STX3: variants seen among roughly 807,000 people sequenced by gnomAD.
The protein encoded by STX3 is syntaxin-3.
A neutral mutation model predicts 40.2 loss-of-function variants in STX3; 19 were observed. The observed-to-expected ratio is 0.47, with a 90% CI of 0.33 to 0.69. STX3 has a LOEUF of 0.69. Among genes scored for constraint, STX3 ranks in the 30% least tolerant of loss-of-function variants. The pLI is 0.02. For synonymous variants in STX3, 122 were observed against 132.2 expected (o/e 0.92, Z 0.53); for missense variants, 364 against 366.7 (o/e 0.99, Z 0.06).
chr11:59,804,231 C>A lies in STX3; in HGVS notation c.*3407C>A, dbSNP rs1865999159. 6.6e-6 allele frequency: 1 copy of A among 152,194 alleles called. No homozygotes were observed. The highest frequency in any genetic ancestry group is 1.5e-5 in the Non-Finnish European group (1 of 68,072). 9.4% of individuals were successfully genotyped at this position (152,194 alleles called of 1,614,324 possible). ...GCTGTGAGTTGGTCAAGTCAGGGCA[C>A]TTCTGCTCTTCAGGCTCCTCTAGGT... On this transcript the variant is annotated 3_prime_UTR_variant, in exon 11 of 11. Coordinates refer to ENST00000337979, the MANE Select transcript of STX3 (RefSeq NM_004177.5).
rs971840141 is a variant in STX3, at chr11:59,755,388, C to T, written c.-218C>T. ...CGGCCCGGGAGCCGGATTTGGAGCG[C>T]GAGGCGCCGGTGGGGGCGGAGGGGG... is the stretch of plus-strand genomic sequence containing the variant. On this transcript the variant is annotated 5_prime_UTR_variant, in exon 1 of 11. Coordinates refer to ENST00000337979, the MANE Select transcript of STX3 (RefSeq NM_004177.5). 4 of 377,904 alleles carry T rather than the reference C, an allele frequency of 1.1e-5. No individual in the cohort carries two copies. The highest frequency in any genetic ancestry group is 1.8e-5 in the Non-Finnish European group (4 of 222,488). 23.4% of individuals were successfully genotyped at this position (377,904 alleles called of 1,614,324 possible). A position where few individuals can be genotyped will look rare whatever the true frequency, so the allele number is the denominator to read the frequency against.
intron 2 of STX3, among the ~76,000 whole-genome samples, chr11:59,781,084 T>G (rs1864336971): frequency 1.4e-5 from 2 of 144,874 alleles, no homozygotes; most frequent in Admixed American, 6.8e-5. Flanking sequence ...ACATTTGTTT[T>G]CTTTTTTTTT....
intron 1 of STX3, among the ~76,000 whole-genome samples, chr11:59,763,583 C>T (rs1332963965): frequency 1.3e-5 from 2 of 152,180 alleles, no homozygotes; most frequent in Non-Finnish European, 2.9e-5. Context: ...GTCATATAGG[C>T]CGTTTCCTAA....
At chr11:59,797,149 A>G (rs1865567454) in intron 9 of STX3, 134 bp from the exon 10 acceptor site, 2 of 647,932 alleles carry the variant, frequency 3.1e-6, no homozygotes, top group Non-Finnish European at 5.5e-6. Context: ...GTCTGTATGT[A>G]GAGATGTAGG....
chr11:59,761,194 G>T (rs752505505), intron 1 of STX3, among the ~76,000 whole-genome samples: 2 of 152,158 alleles, frequency 1.3e-5, no homozygotes, highest in African/African-American at 2.4e-5. Flanking sequence ...ATGGAAGGTT[G>T]CCCCTATTTA....
chr11:59,793,373 G>C lies in STX3; in HGVS notation c.541-7G>C, dbSNP rs893373604. On this transcript the variant is annotated splice_polypyrimidine_tract_variant and splice_region_variant and intron_variant, in intron 7 of 10. Coordinates refer to ENST00000337979, the MANE Select transcript of STX3 (RefSeq NM_004177.5). ...GTAGCTAACAGTCTGTGTGTGGCCTGTTGTAGATCATTGACTCACAGATTT... is the reference window on the plus strand; with the variant it reads ...GTAGCTAACAGTCTGTGTGTGGCCTCTTGTAGATCATTGACTCACAGATTT... 1.2e-6 allele frequency: 2 copies of C among 1,613,408 alleles called. No homozygotes were observed. Among genetic ancestry groups the C allele is most frequent in the African/African-American group, 2.7e-5 (2 of 75,052 alleles).
At chr11:59,775,022 G>C (rs1033536228) in intron 2 of STX3, among the ~76,000 whole-genome samples, 2 of 152,146 alleles carry the variant, frequency 1.3e-5, no homozygotes, top group Non-Finnish European at 1.5e-5. Context: ...AAGAAGTATC[G>C]TGCTCTTTTT....
Position 59,777,126 on chromosome 11 carries a change from T to C in STX3, c.114+3832T>C, listed in dbSNP as rs573158135. ...GTAAGGGTGATAGAAATTTTTAAAATGTTGTTATATGATAAGAAAAGTGTC... is the reference window on the plus strand; with the variant it reads ...GTAAGGGTGATAGAAATTTTTAAAACGTTGTTATATGATAAGAAAAGTGTC... On this transcript the variant is annotated intron_variant, in intron 2 of 10. Transcript: ENST00000337979. Among the ~76,000 whole-genome samples the C allele has an allele frequency of 3.3e-5, 5 of 152,296 alleles. No individual in the cohort carries two copies. The East Asian group carries it at 9.6e-4, about 29-fold the overall frequency.
chr11:59,800,170 T>C, intron 10 of STX3: 1 of 985,474 alleles, frequency 1.0e-6, no homozygotes, highest in Non-Finnish European at 1.2e-6. Flanking sequence ...TGTAGTGTAT[T>C]CCATGTTCCC....
At chr11:59,775,093 G>T (rs886343375) in intron 2 of STX3, among the ~76,000 whole-genome samples, 2 of 151,956 alleles carry the variant, frequency 1.3e-5, no homozygotes, top group Non-Finnish European at 2.9e-5. Context: ...TAACCCTCCA[G>T]TTTTTTTTCT....
In STX3 at chr11:59,801,455, T is replaced by C; in HGVS notation, c.*631T>C. The stretch of plus-strand genomic sequence containing the variant: ...TGTTCAGCTTGGGGGGCAACTTTGA[T>C]TTTTCTCTGTGTTGTAGTCTCTCAT... On this transcript the variant is annotated 3_prime_UTR_variant, in exon 11 of 11. Transcript: ENST00000337979. 1 of 986,546 alleles carries C rather than the reference T, an allele frequency of 1.0e-6. No individual in the cohort carries two copies. The highest frequency in any genetic ancestry group is 1.2e-6 in the Non-Finnish European group (1 of 830,670). The allele number at this position is 986,546 out of a possible 1,614,324, so 61.1% of individuals were successfully genotyped here.
At chr11:59,788,107 A>G (rs486409) in intron 3 of STX3, among the ~76,000 whole-genome samples, 145,424 of 152,254 alleles carry the variant, frequency 0.96, 69,509 homozygotes, top group East Asian at 1. Context: ...CTTCTCGTGG[A>G]ATTCCTGCTT....
chr11:59,773,399 C>T, intron 2 of STX3, 105 bp downstream of exon 2: 1 of 1,106,630 alleles, frequency 9.0e-7, no homozygotes, highest in Non-Finnish European at 1.3e-6. Flanking sequence ...AGGAAGGTCA[C>T]AGTTTTTTGC....
Position 59,802,384 on chromosome 11 carries a change from G to GA in STX3, c.*1561dup. ...CCGCTTTGACTTTAACGCTTTCTAG[G>GA]ATAGGGTAAGCACCCTTAATTCAGG... On this transcript the variant is annotated 3_prime_UTR_variant, in exon 11 of 11. Transcript: ENST00000337979. 2.0e-6 allele frequency: 2 copies of GA among 985,588 alleles called. No individual in the cohort carries two copies. Among genetic ancestry groups the GA allele is most frequent in the South Asian group, 4.7e-5 (1 of 21,290 alleles). The allele number at this position is 985,588 out of a possible 1,614,324, so 61.1% of individuals were successfully genotyped here.
At chr11:59,778,956 G>C (rs1864178482) in intron 2 of STX3, among the ~76,000 whole-genome samples, 1 of 150,698 alleles carries the variant, frequency 6.6e-6, no homozygotes, top group African/African-American at 2.4e-5. Flanking sequence ...TCCTGCCTCA[G>C]CCTCCCAAGT....
chr11:59,774,837 AAAC>A (rs763827427), intron 2 of STX3, among the ~76,000 whole-genome samples: 2 of 149,408 alleles, frequency 1.3e-5, no homozygotes, highest in African/African-American at 5.1e-5. Flanking sequence ...TCTCAAAAAC[AAAC>A]AACAACAACA....
rs141910959 is a variant in STX3 at position 59,794,831 on chromosome 11, G to T, written c.676-541G>T. ...GTAAACCCAATGTCTGTCAGTTAAA[G>T]GGCCTGGAAATAACTTAGAGAAAGC... On this transcript the variant is annotated intron_variant, in intron 8 of 10. Coordinates refer to ENST00000337979, the MANE Select transcript of STX3 (RefSeq NM_004177.5). 2.6e-5 allele frequency among the ~76,000 whole-genome samples: 4 copies of T among 152,302 alleles called. No individual in the cohort carries two copies. In the East Asian group the frequency reaches 7.7e-4, roughly 29 times the overall value.
intron 2 of STX3, among the ~76,000 whole-genome samples, chr11:59,786,333 G>A (rs191800943): frequency 1.1e-4 from 16 of 149,142 alleles, no homozygotes; most frequent in Admixed American, 2.0e-4. Context: ...TCCACCTCCC[G>A]GGTTCACGCC....
chr11:59,789,035 C>A, intron 4 of STX3, 88 bp downstream of exon 4: 2 of 1,213,160 alleles, frequency 1.6e-6, no homozygotes, highest in South Asian at 1.3e-5. Flanking sequence ...TGAAACTCCT[C>A]TTGATGGAAG....
Sources: allele counts gnomAD v4.1 joint callset (sites outside exome capture counted in the v4.1 genomes callset), GRCh38; gene constraint gnomAD v4.1.1; transcripts MANE v1.5; gene names NCBI Gene and HGNC (gene_info 2026-07-23, HGNC 2026-07-21).